The following SPTSSB variants were observed in gnomAD, a reference collection of about 807,000 sequenced individuals.
SPTSSB encodes androgen down regulated in mouse prostate.
SPTSSB carries 6 observed loss-of-function variants against 7.7 expected under a neutral mutation model. That is an observed-to-expected ratio of 0.78 (90% confidence interval 0.43 to 1.54). SPTSSB has a LOEUF of 1.54. Ranked by LOEUF, SPTSSB falls within the 40% of genes most tolerant of loss-of-function variation. The pLI is 0.01. For missense variants in SPTSSB, 91 were observed against 93.0 expected, an observed-to-expected ratio of 0.98 and a Z score of 0.09; for synonymous variants, 28 against 29.7, an observed-to-expected ratio of 0.94 and a Z score of 0.19.
intron 2 of SPTSSB, among the ~76,000 whole-genome samples, chr3:161,351,942 CAT>C (rs780030076): frequency 9.3e-4 from 142 of 152,340 alleles, no homozygotes; most frequent in Admixed American, 1.5e-3. Context: ...TTAATAGCCA[CAT>C]GTGGCTAGTG....
chr3:161,356,572 T>C (rs1033625323), intron 2 of SPTSSB, among the ~76,000 whole-genome samples: 2 of 152,222 alleles, frequency 1.3e-5, no homozygotes, highest in Non-Finnish European at 2.9e-5. Flanking sequence ...TTCTTTTCAC[T>C]TTTTTGGGTA....
rs76024198 is a variant in SPTSSB, at chr3:161,369,801, T to G, written c.-126+1634A>C. Among the ~76,000 whole-genome samples, 653 of 152,218 alleles carry G rather than the reference T, an allele frequency of 4.3e-3. 2 individuals carry two copies. The highest frequency in any genetic ancestry group is 0.015 in the African/African-American group (625 of 41,528). ...CCTGCGTTAGTGGCTGCACCCATCC[T>G]TACTGGAACATCATCACACTCAACT... On this transcript the variant is annotated intron_variant, in intron 1 of 2. Coordinates refer to ENST00000620149, the MANE Select transcript of SPTSSB (RefSeq NM_001040100.2).
chr3:161,347,606 T>G (rs1006287688), intron 2 of SPTSSB, among the ~76,000 whole-genome samples: 1 of 151,792 alleles, frequency 6.6e-6, no homozygotes, highest in Non-Finnish European at 1.5e-5. Flanking sequence ...GCTCGGTGGC[T>G]CACGCCTGTA....
In SPTSSB at chr3:161,348,523, T is replaced by A. The variant is rs2108154086; in HGVS notation, c.-32-2168A>T. Among the ~76,000 whole-genome samples the A allele has an allele frequency of 2.0e-5, 3 of 152,220 alleles. 1 individual carries two copies. In the Middle Eastern group the frequency reaches 0.01, roughly 518 times the overall value. ...TTTAAAACCGCTAAAAGTCAAACAA[T>A]CAATCAATGAATAAAAGAAACAGCA... On this transcript the variant is annotated intron_variant, in intron 2 of 2. Coordinates refer to ENST00000620149, the MANE Select transcript of SPTSSB (RefSeq NM_001040100.2).
intron 1 of SPTSSB, 130 bp downstream of exon 1, chr3:161,371,304 TA>T: frequency 1.7e-6 from 1 of 584,210 alleles, no homozygotes; most frequent in Non-Finnish European, 2.2e-6. Flanking sequence ...CTGAAAATTG[TA>T]ATGCAGTTAA....
chr3:161,364,540 G>C (rs1374386304), intron 1 of SPTSSB, among the ~76,000 whole-genome samples: 1 of 152,026 alleles, frequency 6.6e-6, no homozygotes, highest in African/African-American at 2.4e-5. Flanking sequence ...CTCCATATGA[G>C]GAGGCACTAT....
At chr3:161,369,302 CTT>C (rs756557030) in intron 1 of SPTSSB, among the ~76,000 whole-genome samples, 1,967 of 57,352 alleles carry the variant, frequency 0.034, 20 homozygotes, top group Non-Finnish European at 0.041. Context: ...TTCTTTCTTT[CTT>C]TCTTTCTTTC....
chr3:161,346,368 G>T lies in SPTSSB; in HGVS notation c.-32-13C>A. 2.3e-6 allele frequency: 3 copies of T among 1,332,970 alleles called. No homozygotes were observed. Among genetic ancestry groups the T allele is most frequent in the Non-Finnish European group, 2.2e-6 (2 of 924,818 alleles). The allele number at this position is 1,332,970 out of a possible 1,614,324, so 82.6% of individuals were successfully genotyped here. A position where few individuals can be genotyped will look rare whatever the true frequency, so the allele number is the denominator to read the frequency against. On this transcript the variant is annotated splice_polypyrimidine_tract_variant and intron_variant, in intron 2 of 2. Transcript: ENST00000620149. ...CAGTAAGTTTGTCCTGTTAAAGAAT[G>T]TAACAGATTAGAGGATGAGGAACCA...
At chr3:161,349,131 A>G (rs1045436246) in intron 2 of SPTSSB, among the ~76,000 whole-genome samples, 1 of 152,204 alleles carries the variant, frequency 6.6e-6, no homozygotes, top group African/African-American at 2.4e-5. Context: ...CTCCTTCTGA[A>G]TATTAATGGC....
intron 2 of SPTSSB, among the ~76,000 whole-genome samples, chr3:161,356,569 C>T (rs1389549223): frequency 2.0e-5 from 3 of 152,100 alleles, no homozygotes; most frequent in Admixed American, 6.6e-5. Context: ...GTTTTCTTTT[C>T]ACTTTTTTGG....
At chr3:161,364,102 GT>G (rs1715122573) in intron 1 of SPTSSB, among the ~76,000 whole-genome samples, 1 of 135,912 alleles carries the variant, frequency 7.4e-6, no homozygotes. Context: ...CCTGTGGCAG[GT>G]TTAAATCTAT....
intron 1 of SPTSSB, among the ~76,000 whole-genome samples, chr3:161,362,909 GTAA>G (rs1233409673): frequency 3.3e-5 from 5 of 151,896 alleles, no homozygotes; most frequent in South Asian, 2.1e-4. Context: ...CAATATGATA[GTAA>G]TAATAATACG....
At chr3:161,370,457 G>T (rs1220625560) in intron 1 of SPTSSB, among the ~76,000 whole-genome samples, 2 of 152,140 alleles carry the variant, frequency 1.3e-5, no homozygotes, top group Admixed American at 6.5e-5. Context: ...TCACCGAAAT[G>T]ACCTGTTTTA....
chr3:161,363,363 A>G (rs1715088221), intron 1 of SPTSSB, among the ~76,000 whole-genome samples: 1 of 151,820 alleles, frequency 6.6e-6, no homozygotes, highest in Non-Finnish European at 1.5e-5. Context: ...TTTGTATATT[A>G]AATTCAATAT....
intron 2 of SPTSSB, among the ~76,000 whole-genome samples, chr3:161,355,258 A>G (rs336567): frequency 0.65 from 98,592 of 152,102 alleles, 34,077 homozygotes; most frequent in East Asian, 0.97. Flanking sequence ...AAAATATATA[A>G]CTTCTGAGTG....
chr3:161,368,659 C>T (rs904431118), intron 1 of SPTSSB, among the ~76,000 whole-genome samples: 2 of 152,126 alleles, frequency 1.3e-5, no homozygotes, highest in African/African-American at 4.8e-5. Flanking sequence ...ATCTCCTGAC[C>T]TCGTGATCCG....
intron 1 of SPTSSB, among the ~76,000 whole-genome samples, chr3:161,368,912 T>C (rs1487645618): frequency 6.6e-6 from 1 of 152,254 alleles, no homozygotes; most frequent in South Asian, 2.1e-4. Flanking sequence ...TGCTGAATAA[T>C]ATTTTATCAT....
intron 1 of SPTSSB, among the ~76,000 whole-genome samples, chr3:161,362,012 G>A (rs1403257612): frequency 6.6e-6 from 1 of 152,010 alleles, no homozygotes; most frequent in African/African-American, 2.4e-5. Context: ...CAACCTGATT[G>A]ATTTATTTTT....
At chr3:161,354,301 A>G (rs1483956849) in intron 2 of SPTSSB, among the ~76,000 whole-genome samples, 4 of 152,234 alleles carry the variant, frequency 2.6e-5, no homozygotes, top group Non-Finnish European at 5.9e-5. Context: ...GTTATATACA[A>G]TAACAGAATG....
Sources: gnomAD v4.1 joint callset for allele counts (sites outside exome capture counted in the v4.1 genomes callset) on GRCh38, gnomAD v4.1.1 for gene constraint, MANE v1.5 for transcripts, NCBI Gene and HGNC (gene_info 2026-07-23, HGNC 2026-07-21) for gene names.